CRISPLD2: variants seen among roughly 807,000 people sequenced by gnomAD.
CRISPLD2 encodes cysteine rich secretory protein LCCL domain containing 2.
Under a neutral mutation model 71.1 loss-of-function variants are expected in CRISPLD2, and 47 were observed. The observed-to-expected ratio is 0.66, with a 90% confidence interval of 0.52 to 0.84. The LOEUF (loss-of-function observed/expected upper bound fraction) is 0.84, where lower values mean the gene tolerates loss of function less well. Ranked by LOEUF, CRISPLD2 falls within the 40% of genes least tolerant of loss-of-function variation. CRISPLD2 has a pLI of 0.00. For missense variants in CRISPLD2, 830 were observed against 651.1 expected (o/e 1.27, Z -2.99); for synonymous variants, 317 against 250.1 (o/e 1.27, Z -2.52).
intron 7 of CRISPLD2, 62 bp downstream of exon 7, chr16:84,867,102 G>C: frequency 6.5e-7 from 1 of 1,546,882 alleles, no homozygotes; most frequent in Non-Finnish European, 8.9e-7. Context: ...GGGACGGGGT[G>C]GGTGGAGGAG....
chr16:84,833,574 C>T (rs942145454), intron 1 of CRISPLD2, among the ~76,000 whole-genome samples: 4 of 152,046 alleles, frequency 2.6e-5, no homozygotes, highest in South Asian at 2.1e-4. Context: ...CCCTGGGTAC[C>T]GAAGTGCACT....
intron 14 of CRISPLD2, among the ~76,000 whole-genome samples, chr16:84,894,053 G>A (rs2071685112): frequency 6.6e-6 from 1 of 152,196 alleles, no homozygotes. Context: ...AGCACACGGG[G>A]CCGAAGGTCA....
chr16:84,894,126 G>A (rs767394560), intron 14 of CRISPLD2, among the ~76,000 whole-genome samples: 5 of 152,174 alleles, frequency 3.3e-5, no homozygotes, highest in Admixed American at 6.5e-5. Flanking sequence ...CTTCCTGGAC[G>A]TTTTGAAAGG....
chr16:84,844,778 C>A (rs1424563541), intron 2 of CRISPLD2, among the ~76,000 whole-genome samples: 1 of 152,164 alleles, frequency 6.6e-6, no homozygotes, highest in Non-Finnish European at 1.5e-5. Context: ...CTGCAGGGGC[C>A]CTCGTCTGCT....
At chr16:84,824,399 C>G (rs1486389045) in intron 1 of CRISPLD2, among the ~76,000 whole-genome samples, 1 of 152,226 alleles carries the variant, frequency 6.6e-6, no homozygotes, top group East Asian at 1.9e-4. Context: ...CCAAAGTGTG[C>G]AGAGCCAATA....
intron 1 of CRISPLD2, among the ~76,000 whole-genome samples, chr16:84,823,304 G>C (rs1916272681): frequency 6.6e-6 from 1 of 152,178 alleles, no homozygotes; most frequent in Non-Finnish European, 1.5e-5. Flanking sequence ...TTTTACAGAG[G>C]CTTCTGCTGT....
chr16:84,903,144 C>G (rs533796763), intron 14 of CRISPLD2, among the ~76,000 whole-genome samples: 11 of 152,244 alleles, frequency 7.2e-5, no homozygotes, highest in Admixed American at 2.6e-4. Context: ...TTGGTTTGGT[C>G]TGTTGGGCCT....
intron 6 of CRISPLD2, among the ~76,000 whole-genome samples, chr16:84,866,436 A>G (rs929799626): frequency 1.3e-5 from 2 of 152,074 alleles, no homozygotes; most frequent in African/African-American, 4.8e-5. Context: ...GGGTTTCGCC[A>G]TGTTAGCCAG....
chr16:84,870,806 C>A (rs1446230784), intron 8 of CRISPLD2, among the ~76,000 whole-genome samples: 1 of 152,060 alleles, frequency 6.6e-6, no homozygotes, highest in Non-Finnish European at 1.5e-5. Context: ...AGCCTGTAAT[C>A]CCAGCACTTT....
At chr16:84,886,895 C>T (rs959740912) in intron 13 of CRISPLD2, among the ~76,000 whole-genome samples, 1 of 152,226 alleles carries the variant, frequency 6.6e-6, no homozygotes, top group Admixed American at 6.5e-5. Flanking sequence ...AGCATATTCA[C>T]GTTGTAATGG....
chr16:84,857,927 T>C (rs1274066005), intron 6 of CRISPLD2, among the ~76,000 whole-genome samples: 1 of 152,192 alleles, frequency 6.6e-6, no homozygotes, highest in African/African-American at 2.4e-5. Flanking sequence ...CGACCCGCTT[T>C]ATGGCTCGAT....
chr16:84,865,151 C>G (rs1382650573), intron 6 of CRISPLD2, among the ~76,000 whole-genome samples: 1 of 150,982 alleles, frequency 6.6e-6, no homozygotes, highest in Non-Finnish European at 1.5e-5. Flanking sequence ...CCTGATGAAA[C>G]TTGGATTTTT....
chr16:84,833,308 G>A (rs1334148060), intron 1 of CRISPLD2, among the ~76,000 whole-genome samples: 1 of 152,188 alleles, frequency 6.6e-6, no homozygotes, highest in Non-Finnish European at 1.5e-5. Context: ...GAAATCTGGT[G>A]TGTTTTCATG....
Position 84,884,181 on chromosome 16 carries a change from C to G in CRISPLD2, c.1305+3597C>G, listed in dbSNP as rs189874189. 4.6e-5 allele frequency among the ~76,000 whole-genome samples: 7 copies of G among 152,328 alleles called. No homozygotes were observed. The East Asian group carries it at 1.2e-3, about 25-fold the overall frequency. ...TTCACAGTAACCCTCTTCTTCCTCA[C>G]TGTCATCACCCTAGGTGGGACAGTG... is the stretch of plus-strand genomic sequence containing the variant. On this transcript the variant is annotated intron_variant, in intron 13 of 14. Transcript: ENST00000262424.
chr16:84,869,386 C>T (rs2071446156), intron 8 of CRISPLD2, among the ~76,000 whole-genome samples: 1 of 152,242 alleles, frequency 6.6e-6, no homozygotes, highest in African/African-American at 2.4e-5. Flanking sequence ...CCTTGCTCGT[C>T]TTCCTACGAA....
chr16:84,881,714 G>T (rs117145733), intron 13 of CRISPLD2, among the ~76,000 whole-genome samples: 1 of 152,038 alleles, frequency 6.6e-6, no homozygotes, highest in Non-Finnish European at 1.5e-5. Context: ...GGGCTCGAGC[G>T]ATCCTCCCTC....
chr16:84,901,953 C>A (rs1383602354), intron 14 of CRISPLD2, among the ~76,000 whole-genome samples: 1 of 151,670 alleles, frequency 6.6e-6, no homozygotes, highest in East Asian at 1.9e-4. Flanking sequence ...GCTACCACAC[C>A]CAGCTAATTT....
chr16:84,862,137 G>A lies in CRISPLD2; in HGVS notation c.710-4760G>A, dbSNP rs116437501. 2.3e-3 allele frequency among the ~76,000 whole-genome samples: 344 copies of A among 152,240 alleles called. 2 individuals are homozygous for A. Among genetic ancestry groups the A allele is most frequent in the African/African-American group, 8.0e-3 (334 of 41,544 alleles). ...TGCTGGTGCTCCCCTGACTGTGCTA[G>A]AGGTTTCTCGCCCCCACTCCCACAG... On this transcript the variant is annotated intron_variant, in intron 6 of 14. Transcript: ENST00000262424.
At chr16:84,844,305 T>C (rs956143408) in intron 2 of CRISPLD2, among the ~76,000 whole-genome samples, 1 of 152,216 alleles carries the variant, frequency 6.6e-6, no homozygotes. Context: ...TGAGCAGGGC[T>C]GGGCAAGCTG....
Sources: allele counts gnomAD v4.1 joint callset (sites outside exome capture counted in the v4.1 genomes callset), GRCh38; gene constraint gnomAD v4.1.1; transcripts MANE v1.5; gene names NCBI Gene and HGNC (gene_info 2026-07-23, HGNC 2026-07-21).